Variants in GRB10 observed in about 807,000 individuals in gnomAD.
The protein encoded by GRB10 is growth factor receptor bound protein 10.
A neutral mutation model predicts 80.9 loss-of-function variants in GRB10; 20 were observed. The observed-to-expected ratio is 0.25, with a 90% confidence interval of 0.17 to 0.36. The LOEUF is 0.36. GRB10 is among the 10% of genes least tolerant of loss of function. The probability of loss-of-function intolerance (pLI) is 1.00; values close to 1 mark genes in which losing one functional copy is unlikely to be tolerated. For missense variants in GRB10, 548 were observed against 747.7 expected (o/e 0.73, Z 3.12); for synonymous variants, 291 against 291.5 (o/e 1.00, Z 0.02).
intron 5 of GRB10, among the ~76,000 whole-genome samples, chr7:50,689,807 T>C (rs2153657076): frequency 6.6e-6 from 1 of 152,100 alleles, no homozygotes; most frequent in South Asian, 2.1e-4. Context: ...CTGTAGCAAA[T>C]GACAGAGGGT....
intron 7 of GRB10, among the ~76,000 whole-genome samples, chr7:50,661,054 C>A (rs2059219663): frequency 6.6e-6 from 1 of 152,214 alleles, no homozygotes; most frequent in Admixed American, 6.5e-5. Flanking sequence ...GGAGGAAGTC[C>A]ATCCTCAGCA....
At chr7:50,635,861 G>C (rs1261758744) in intron 7 of GRB10, among the ~76,000 whole-genome samples, 1 of 144,400 alleles carries the variant, frequency 6.9e-6, no homozygotes, top group Non-Finnish European at 1.5e-5. Context: ...TAGACAAGTA[G>C]GGGTAATAAA....
chr7:50,633,907 C>T (rs985351368), intron 7 of GRB10, among the ~76,000 whole-genome samples: 13 of 151,946 alleles, frequency 8.6e-5, no homozygotes, highest in African/African-American at 2.9e-4. Flanking sequence ...ATTATTTAAA[C>T]CTAGGACTTA....
At chr7:50,633,601 G>A (rs908187907) in intron 7 of GRB10, among the ~76,000 whole-genome samples, 3 of 152,092 alleles carry the variant, frequency 2.0e-5, no homozygotes, top group Admixed American at 6.5e-5. Context: ...AAGATATGAA[G>A]TGTAAGGAAG....
intron 4 of GRB10, among the ~76,000 whole-genome samples, chr7:50,710,535 C>T (rs1301595515): frequency 2.0e-5 from 3 of 152,044 alleles, no homozygotes; most frequent in Non-Finnish European, 4.4e-5. Context: ...GTTCATTGGG[C>T]GATTCAGGCA....
chr7:50,654,385 C>T (rs890049100), intron 7 of GRB10, among the ~76,000 whole-genome samples: 2 of 152,180 alleles, frequency 1.3e-5, no homozygotes, highest in Non-Finnish European at 2.9e-5. Flanking sequence ...CGCTGCCAAG[C>T]CTCACAGAGT....
chr7:50,646,049 C>A (rs1319585091), intron 7 of GRB10, among the ~76,000 whole-genome samples: 1 of 152,204 alleles, frequency 6.6e-6, no homozygotes, highest in Admixed American at 6.5e-5. Flanking sequence ...GGAAACCAAC[C>A]TATCCATCTG....
intron 7 of GRB10, among the ~76,000 whole-genome samples, chr7:50,666,326 C>T (rs1054722949): frequency 2.6e-5 from 4 of 152,146 alleles, no homozygotes; most frequent in South Asian, 2.1e-4. Flanking sequence ...TCAAGGTGAG[C>T]GAAGGCAGAG....
chr7:50,718,667 T>C (rs1168679385), intron 4 of GRB10, among the ~76,000 whole-genome samples: 4 of 152,104 alleles, frequency 2.6e-5, no homozygotes, highest in Non-Finnish European at 4.4e-5. Flanking sequence ...AATTTGTACA[T>C]TAAGGGCAGG....
At chr7:50,732,394 G>C in intron 3 of GRB10, 26 bp from the exon 4 acceptor site, 1 of 1,330,098 alleles carries the variant, frequency 7.5e-7, no homozygotes, top group Non-Finnish European at 1.1e-6. Flanking sequence ...ACTGTGAGAA[G>C]CCAAGCCAGA....
At chr7:50,634,242 C>A (rs1198310059) in intron 7 of GRB10, among the ~76,000 whole-genome samples, 2 of 152,132 alleles carry the variant, frequency 1.3e-5, no homozygotes, top group Admixed American at 1.3e-4. Context: ...TTTTTAGCCT[C>A]CTTTAAGAAA....
intron 18 of GRB10, among the ~76,000 whole-genome samples, chr7:50,594,740 T>C (rs1164619383): frequency 6.6e-6 from 1 of 152,230 alleles, no homozygotes; most frequent in Non-Finnish European, 1.5e-5. Flanking sequence ...AATTGAACTG[T>C]GGCATACTGA....
chr7:50,734,478 C>T (rs1025478328), intron 3 of GRB10, among the ~76,000 whole-genome samples: 17 of 152,122 alleles, frequency 1.1e-4, no homozygotes, highest in African/African-American at 1.2e-4. Context: ...GCACGCCGCA[C>T]GCCTCCCTGC....
At chr7:50,770,719 A>G (rs780857633) in intron 2 of GRB10, among the ~76,000 whole-genome samples, 15 of 151,624 alleles carry the variant, frequency 9.9e-5, no homozygotes, top group Non-Finnish European at 1.5e-4. Context: ...TAAAGCAGAC[A>G]TTAAAGGGAT....
At chr7:50,618,751 C>T (rs1020001067) in intron 9 of GRB10, among the ~76,000 whole-genome samples, 1 of 152,214 alleles carries the variant, frequency 6.6e-6, no homozygotes, top group African/African-American at 2.4e-5. Context: ...CTCAAGACAC[C>T]AACCAATCGC....
At chr7:50,711,316 A>G (rs964245311) in intron 4 of GRB10, among the ~76,000 whole-genome samples, 5 of 150,868 alleles carry the variant, frequency 3.3e-5, no homozygotes, top group Non-Finnish European at 7.4e-5. Context: ...TGCAAAGGAG[A>G]AGACGCAATC....
intron 5 of GRB10, among the ~76,000 whole-genome samples, chr7:50,681,977 G>A (rs1287330599): frequency 6.6e-6 from 1 of 152,224 alleles, no homozygotes; most frequent in Non-Finnish European, 1.5e-5. Flanking sequence ...GATGAATCCT[G>A]AGTGTGTCAG....
At chr7:50,638,381 A>T (rs1013637962) in intron 7 of GRB10, among the ~76,000 whole-genome samples, 1 of 152,228 alleles carries the variant, frequency 6.6e-6, no homozygotes, top group African/African-American at 2.4e-5. Flanking sequence ...AAACGAACTC[A>T]AACAACTCAG....
At chr7:50,703,722 TA>T in intron 5 of GRB10, 98 bp downstream of exon 5, 2 of 826,628 alleles carry the variant, frequency 2.4e-6, no homozygotes, top group Non-Finnish European at 4.2e-6. Flanking sequence ...GTTAGAATTG[TA>T]ATCTATTAGT....
Sources: allele counts gnomAD v4.1 joint callset (sites outside exome capture counted in the v4.1 genomes callset), GRCh38; gene constraint gnomAD v4.1.1; transcripts MANE v1.5; gene names NCBI Gene and HGNC (gene_info 2026-07-23, HGNC 2026-07-21).